CNTNAP2: variants seen among roughly 807,000 people sequenced by gnomAD.
CNTNAP2 encodes contactin associated protein 2, also known as contactin-associated protein-like 2.
Under a neutral mutation model 155.2 loss-of-function variants are expected in CNTNAP2, and 98 were observed. That is an observed-to-expected ratio of 0.63 (90% CI 0.54 to 0.75). The LOEUF (loss-of-function observed/expected upper bound fraction) is 0.75, where lower values mean the gene tolerates loss of function less well. Among genes scored for constraint, CNTNAP2 ranks in the 30% least tolerant of loss-of-function variants. The pLI is 0.00. For missense variants in CNTNAP2, 1,727 were observed against 1,688.1 expected (o/e 1.02, Z -0.40); for synonymous variants, 651 against 631.2 (o/e 1.03, Z -0.47).
intron 9 of CNTNAP2, among the ~76,000 whole-genome samples, chr7:147,300,739 G>A (rs188879795): frequency 5.9e-5 from 9 of 152,242 alleles, no homozygotes; most frequent in African/African-American, 2.2e-4. Context: ...GTTACTTGTG[G>A]CTGCATCATT....
At chr7:147,673,328 T>C (rs544013354) in intron 13 of CNTNAP2, among the ~76,000 whole-genome samples, 3 of 152,206 alleles carry the variant, frequency 2.0e-5, no homozygotes, top group African/African-American at 7.2e-5. Context: ...CTGATTATCA[T>C]TCATGTTCTG....
intron 3 of CNTNAP2, among the ~76,000 whole-genome samples, chr7:147,018,006 C>G (rs2129245623): frequency 6.6e-6 from 1 of 152,126 alleles, no homozygotes; most frequent in East Asian, 1.9e-4. Context: ...TATTAGTCTT[C>G]TGTAAGCTGA....
chr7:147,262,761 G>C (rs1159685875), intron 8 of CNTNAP2, among the ~76,000 whole-genome samples: 2 of 152,066 alleles, frequency 1.3e-5, no homozygotes, highest in Non-Finnish European at 2.9e-5. Flanking sequence ...AGCCGAGATC[G>C]CGCCACTGCA....
intron 1 of CNTNAP2, among the ~76,000 whole-genome samples, chr7:146,377,924 C>T (rs1795326574): frequency 6.6e-6 from 1 of 152,184 alleles, no homozygotes; most frequent in Non-Finnish European, 1.5e-5. Context: ...TTCAAACAAG[C>T]TTTGTGCTTT....
intron 1 of CNTNAP2, among the ~76,000 whole-genome samples, chr7:146,485,963 T>A (rs1245047499): frequency 6.6e-6 from 1 of 150,584 alleles, no homozygotes; most frequent in Non-Finnish European, 1.5e-5. Flanking sequence ...GCCTTTCAAA[T>A]GTAAGATTGC....
At chr7:148,309,014 G>A (rs1797543771) in intron 21 of CNTNAP2, among the ~76,000 whole-genome samples, 1 of 152,074 alleles carries the variant, frequency 6.6e-6, no homozygotes, top group Non-Finnish European at 1.5e-5. Context: ...CTTTGCTATT[G>A]TGAATAGTGC....
chr7:147,664,163 G>A (rs1219290035), intron 13 of CNTNAP2, among the ~76,000 whole-genome samples: 1 of 152,184 alleles, frequency 6.6e-6, no homozygotes, highest in Admixed American at 6.5e-5. Context: ...AGTTCTCCCA[G>A]TGTGACTATC....
At chr7:147,031,827 A>G (rs1476991756) in intron 3 of CNTNAP2, among the ~76,000 whole-genome samples, 1 of 152,224 alleles carries the variant, frequency 6.6e-6, no homozygotes, top group East Asian at 1.9e-4. Flanking sequence ...CTGAGGTGGA[A>G]GAATCACTTG....
intron 3 of CNTNAP2, among the ~76,000 whole-genome samples, chr7:147,011,786 G>A (rs1418186211): frequency 6.6e-6 from 1 of 152,120 alleles, no homozygotes; most frequent in African/African-American, 2.4e-5. Context: ...GGTAAGAGCT[G>A]GCCATAGAGA....
chr7:147,562,094 T>G, intron 11 of CNTNAP2, 44 bp from the exon 12 acceptor site: 1 of 1,612,926 alleles, frequency 6.2e-7, no homozygotes, highest in South Asian at 1.1e-5. Context: ...TGGGGAGCCA[T>G]TTGTTCTGTG....
intron 11 of CNTNAP2, among the ~76,000 whole-genome samples, chr7:147,501,651 C>T (rs985969293): frequency 4.6e-5 from 7 of 152,120 alleles, no homozygotes; most frequent in African/African-American, 1.7e-4. Context: ...TGATTTTGCC[C>T]AACTATAGGG....
intron 15 of CNTNAP2, among the ~76,000 whole-genome samples, chr7:148,018,030 G>T (rs1234672100): frequency 6.6e-6 from 1 of 152,148 alleles, no homozygotes; most frequent in Non-Finnish European, 1.5e-5. Context: ...AGGCAGAAAG[G>T]GAAAAGCATT....
chr7:148,130,896 A>G (rs1315125597), intron 16 of CNTNAP2, among the ~76,000 whole-genome samples: 1 of 152,096 alleles, frequency 6.6e-6, no homozygotes, highest in Non-Finnish European at 1.5e-5. Flanking sequence ...TTACAAGACA[A>G]TTCATTAGGT....
chr7:146,675,986 T>C (rs1166625725), intron 1 of CNTNAP2, among the ~76,000 whole-genome samples: 2 of 152,208 alleles, frequency 1.3e-5, no homozygotes, highest in African/African-American at 4.8e-5. Flanking sequence ...TTCAGTCACA[T>C]AATGTTGTTG....
At chr7:146,145,044 G>T (rs928490539) in intron 1 of CNTNAP2, among the ~76,000 whole-genome samples, 1 of 152,076 alleles carries the variant, frequency 6.6e-6, no homozygotes, top group Admixed American at 6.6e-5. Context: ...TTGGAATTTG[G>T]ACTGGTCAGA....
chr7:147,543,132 A>G (rs1562988931), intron 11 of CNTNAP2, among the ~76,000 whole-genome samples: 1 of 152,240 alleles, frequency 6.6e-6, no homozygotes, highest in Admixed American at 6.5e-5. Context: ...ACAGCAAACC[A>G]GTCATTAGCA....
chr7:147,350,844 C>T (rs1467672297), intron 9 of CNTNAP2, among the ~76,000 whole-genome samples: 9 of 151,682 alleles, frequency 5.9e-5, no homozygotes, highest in Non-Finnish European at 1.2e-4. Context: ...TTTTAAAGTA[C>T]CTAAAAAAAT....
At chr7:148,168,544 A>G (rs929233175) in intron 17 of CNTNAP2, among the ~76,000 whole-genome samples, 3 of 127,452 alleles carry the variant, frequency 2.4e-5, no homozygotes, top group African/African-American at 9.1e-5. Context: ...GGGGAACATC[A>G]CACACCGGGG....
intron 8 of CNTNAP2, among the ~76,000 whole-genome samples, chr7:147,225,425 G>T (rs1225652846): frequency 1.3e-5 from 2 of 152,050 alleles, no homozygotes; most frequent in African/African-American, 4.8e-5. Flanking sequence ...AGTGACTTTT[G>T]TCCCTTTCGG....
Sources: gnomAD v4.1 joint callset for allele counts (sites outside exome capture counted in the v4.1 genomes callset) on GRCh38, gnomAD v4.1.1 for gene constraint, MANE v1.5 for transcripts, NCBI Gene and HGNC (gene_info 2026-07-23, HGNC 2026-07-21) for gene names.